The following AMTN variants were observed in gnomAD, a reference collection of about 807,000 sequenced individuals.
AMTN encodes amelotin, also known as RSTI689.
Under a neutral mutation model 27.4 loss-of-function variants are expected in AMTN, and 29 were observed. The ratio of observed to expected loss-of-function variants is 1.06; its 90% confidence interval spans 0.79 to 1.44. AMTN has a LOEUF of 1.44. Ranked by LOEUF, AMTN falls within the 40% of genes most tolerant of loss-of-function variation. The probability of loss-of-function intolerance (pLI) is 0.00; values close to 1 mark genes in which losing one functional copy is unlikely to be tolerated. For missense variants in AMTN, 247 were observed against 248.8 expected (o/e 0.99, Z 0.05); for synonymous variants, 86 against 95.7 (o/e 0.90, Z 0.59).
Position 70,523,880 on chromosome 4 carries a change from T to C in AMTN, c.151T>C (p.Leu51=), listed in dbSNP as rs754496770. The stretch of plus-strand genomic sequence containing the variant: ...CAATCCCCTGCAGGTCTTTCCTTCT[T>C]TAAGTCTGATACCATTAACACAGAT... The part of the protein sequence containing the change: ...QQQSNQVFPS[L]SLIPLTQMLT... The change falls in exon 4 of 9, where the codon TTA becomes CTA. Residue 51 remains leucine (L), a synonymous_variant. Coordinates refer to ENST00000339336, the MANE Select transcript of AMTN (RefSeq NM_212557.4). 5 of 1,613,606 alleles carry C rather than the reference T, an allele frequency of 3.1e-6. No individual in the cohort carries two copies. The highest frequency in any genetic ancestry group is 4.2e-6 in the Non-Finnish European group (5 of 1,179,686).
At chr4:70,532,031 G>T (rs1342251040) in intron 8 of AMTN, among the ~76,000 whole-genome samples, 1 of 152,208 alleles carries the variant, frequency 6.6e-6, no homozygotes, top group Non-Finnish European at 1.5e-5. Context: ...AGCAGAATGT[G>T]TTCCTTGCCC....
At position 70,524,856 on chromosome 4, in the gene AMTN, C is replaced by T. The variant is rs1478857330; in HGVS notation, c.205-16C>T. On this transcript the variant is annotated splice_polypyrimidine_tract_variant and intron_variant, in intron 4 of 8. Transcript: ENST00000339336. ...TGAAAAAAAATACAATGAAAGTCTT[C>T]TTCCTTGCCCTACAGTTAAATCCTG... The T allele has an allele frequency of 1.2e-6, 2 of 1,611,610 alleles. No homozygotes were observed. The highest frequency in any genetic ancestry group is 1.7e-6 in the Non-Finnish European group (2 of 1,177,956).
rs200331132 is a variant in AMTN at position 70,518,789 on chromosome 4, G to C, written c.12G>C (p.Thr4=). The change falls in exon 2 of 9, where the codon ACG becomes ACC. Residue 4 remains threonine (T), a synonymous_variant. Transcript: ENST00000339336. ...TAGCAATCTGAAACATGAGGAGTAC[G>C]ATTCTACTGTTTTGTCTTCTAGGAT... MRS[T]ILLFCLLGST... is the part of the protein sequence containing the mutation. The C allele has an allele frequency of 3.0e-5, 49 of 1,607,356 alleles. No homozygotes were observed. The highest frequency in any genetic ancestry group is 2.0e-4 in the East Asian group (9 of 44,812).
In AMTN at chr4:70,531,539, G is replaced by T. The variant is rs574979570; in HGVS notation, c.619+239G>T. ...GTGTTTTTGGTTGTTTTGAGACAGG[G>T]TCTTGCTCTGTTGCCCGGGCTGGAG... On this transcript the variant is annotated intron_variant, in intron 8 of 8. Coordinates refer to ENST00000339336, the MANE Select transcript of AMTN (RefSeq NM_212557.4). Among the ~76,000 whole-genome samples, 3 of 152,258 alleles carry T rather than the reference G, an allele frequency of 2.0e-5. No individual in the cohort carries two copies. In the South Asian group the frequency reaches 6.2e-4, roughly 32 times the overall value.
chr4:70,523,790 CA>C, intron 3 of AMTN, 77 bp from the exon 4 acceptor site: 1 of 1,261,856 alleles, frequency 7.9e-7, no homozygotes, highest in Non-Finnish European at 1.2e-6. Flanking sequence ...CTGTCAATTA[CA>C]TGAGGATATC....
At chr4:70,521,847 T>G (rs1367616614) in intron 2 of AMTN, among the ~76,000 whole-genome samples, 1 of 152,020 alleles carries the variant, frequency 6.6e-6, no homozygotes, top group Non-Finnish European at 1.5e-5. Context: ...CCTGAACTCC[T>G]GACCTCAAGT....
intron 8 of AMTN, among the ~76,000 whole-genome samples, chr4:70,531,864 C>G (rs1305779221): frequency 6.6e-6 from 1 of 152,160 alleles, no homozygotes; most frequent in African/African-American, 2.4e-5. Context: ...CCATGTTGCC[C>G]AGGCTGGTCT....
At position 70,532,491 on chromosome 4, in the gene AMTN, C is replaced by T. The variant is rs1193145938; in HGVS notation, c.*26C>T. On this transcript the variant is annotated 3_prime_UTR_variant, in exon 9 of 9. Coordinates refer to ENST00000339336, the MANE Select transcript of AMTN (RefSeq NM_212557.4). ...GCTGTTTCAAATTTTTTCAACTAAG[C>T]TGCCTCGAATTTGGTGATACATGTG... is the stretch of plus-strand genomic sequence containing the variant. 1 of 1,605,726 alleles carries T rather than the reference C, an allele frequency of 6.2e-7. No homozygotes were observed. Among genetic ancestry groups the T allele is most frequent in the East Asian group, 2.2e-5 (1 of 44,672 alleles).
intron 4 of AMTN, 79 bp from the exon 5 acceptor site, chr4:70,524,793 G>A (rs550123386): frequency 3.0e-4 from 386 of 1,302,886 alleles, no homozygotes; most frequent in African/African-American, 2.1e-3. Flanking sequence ...TATATTTTAC[G>A]TTTAGTAAAA....
At position 70,532,471 on chromosome 4, in the gene AMTN, T is replaced by G; in HGVS notation, c.*6T>G. 1 of 1,606,998 alleles carries G rather than the reference T, an allele frequency of 6.2e-7. No homozygotes were observed. Among genetic ancestry groups the G allele is most frequent in the East Asian group, 2.2e-5 (1 of 44,706 alleles). ...TTCTTCCAGGAATTCAGTAAGCTGT[T>G]TCAAATTTTTTCAACTAAGCTGCCT... On this transcript the variant is annotated 3_prime_UTR_variant, in exon 9 of 9. Coordinates refer to ENST00000339336, the MANE Select transcript of AMTN (RefSeq NM_212557.4).
At position 70,518,836 on chromosome 4, in the gene AMTN, G is replaced by A. The variant is rs1735879635; in HGVS notation, c.54+5G>A. The A allele has an allele frequency of 6.2e-7, 1 of 1,606,468 alleles. No homozygotes were observed. The highest frequency in any genetic ancestry group is 8.5e-7 in the Non-Finnish European group (1 of 1,173,086). On this transcript the variant is annotated splice_donor_5th_base_variant and intron_variant, in intron 2 of 8. Transcript: ENST00000339336. The stretch of plus-strand genomic sequence containing the variant: ...GGATCAACTCGGTCATTACCAGTAA[G>A]TATGTTATGTTTGTTTTATATGCCA...
At chr4:70,529,705 C>A (rs559397797) in intron 7 of AMTN, among the ~76,000 whole-genome samples, 3 of 152,216 alleles carry the variant, frequency 2.0e-5, no homozygotes, top group South Asian at 4.2e-4. Context: ...GTTCATATCA[C>A]CATTGCTAAA....
rs778718219 is a variant in AMTN at position 70,532,497 on chromosome 4, C to T, written c.*32C>T. On this transcript the variant is annotated 3_prime_UTR_variant, in exon 9 of 9. Transcript: ENST00000339336. ...TCAAATTTTTTCAACTAAGCTGCCTCGAATTTGGTGATACATGTGAATCTT... is the reference window on the plus strand; with the variant it reads ...TCAAATTTTTTCAACTAAGCTGCCTTGAATTTGGTGATACATGTGAATCTT... 10 of 1,600,796 alleles carry T rather than the reference C, an allele frequency of 6.2e-6. No homozygotes were observed. Among genetic ancestry groups the T allele is most frequent in the South Asian group, 1.1e-5 (1 of 89,466 alleles).
chr4:70,522,717 T>C (rs372431208), intron 2 of AMTN, 38 bp from the exon 3 acceptor site: 34 of 1,598,444 alleles, frequency 2.1e-5, no homozygotes, highest in Non-Finnish European at 2.8e-5. Flanking sequence ...CTTAAACACA[T>C]TCCTGCCTCA....
chr4:70,524,054 A>T lies in AMTN; in HGVS notation c.204+121A>T, dbSNP rs575690517. ...CACAAATGAAAACACACATATACTTATTCACATAGATAAGTTGAAAGAGAG... is the reference window on the plus strand; with the variant it reads ...CACAAATGAAAACACACATATACTTTTTCACATAGATAAGTTGAAAGAGAG... On this transcript the variant is annotated intron_variant, in intron 4 of 8. Coordinates refer to ENST00000339336, the MANE Select transcript of AMTN (RefSeq NM_212557.4). 5.4e-5 allele frequency: 38 copies of T among 701,222 alleles called. 1 individual carries two copies. The South Asian group carries it at 6.1e-4, about 11-fold the overall frequency. 43.4% of individuals were successfully genotyped at this position (701,222 alleles called of 1,614,324 possible). A position where few individuals can be genotyped will look rare whatever the true frequency, so the allele number is the denominator to read the frequency against.
chr4:70,524,859 C>T lies in AMTN; in HGVS notation c.205-13C>T, dbSNP rs757019510. 6.8e-6 allele frequency: 11 copies of T among 1,612,294 alleles called. No homozygotes were observed. Among genetic ancestry groups the T allele is most frequent in the Non-Finnish European group, 9.3e-6 (11 of 1,178,638 alleles). On this transcript the variant is annotated splice_polypyrimidine_tract_variant and intron_variant, in intron 4 of 8. Coordinates refer to ENST00000339336, the MANE Select transcript of AMTN (RefSeq NM_212557.4). ...AAAAAAATACAATGAAAGTCTTCTT[C>T]CTTGCCCTACAGTTAAATCCTGCTG...
intron 5 of AMTN, 60 bp from the exon 6 acceptor site, chr4:70,528,662 TC>T: frequency 6.9e-7 from 1 of 1,444,602 alleles, no homozygotes; most frequent in Admixed American, 1.8e-5. Context: ...AAAAAAGATA[TC>T]AGTATTTATA....
At chr4:70,529,987 C>A (rs1736187067) in intron 7 of AMTN, among the ~76,000 whole-genome samples, 1 of 145,478 alleles carries the variant, frequency 6.9e-6, no homozygotes. Context: ...TTTAGCAGAT[C>A]CTTTACATAT....
intron 2 of AMTN, among the ~76,000 whole-genome samples, chr4:70,521,569 T>G (rs1735968028): frequency 6.8e-6 from 1 of 147,656 alleles, no homozygotes. Context: ...ATATATGTAT[T>G]TTATGTATAT....
Sources: gnomAD v4.1 joint callset for allele counts (sites outside exome capture counted in the v4.1 genomes callset) on GRCh38, gnomAD v4.1.1 for gene constraint, MANE v1.5 for transcripts, NCBI Gene and HGNC (gene_info 2026-07-23, HGNC 2026-07-21) for gene names.